NKAIN3: variants seen among roughly 807,000 people sequenced by gnomAD.
NKAIN3 encodes the protein sodium/potassium-transporting ATPase subunit beta-1-interacting protein 3.
NKAIN3 carries 25 observed loss-of-function variants against 30.2 expected under a neutral mutation model. That is an observed-to-expected ratio of 0.83 (90% CI 0.60 to 1.16). NKAIN3 has a LOEUF of 1.16. NKAIN3 is among the 50% of genes most tolerant of loss of function. The pLI is 0.00. For missense variants in NKAIN3, 225 were observed against 254.1 expected (o/e 0.89, Z 0.78); for synonymous variants, 91 against 89.6 (o/e 1.02, Z -0.09).
chr8:62,741,390 G>T (rs572253537), intron 3 of NKAIN3, among the ~76,000 whole-genome samples: 1 of 145,872 alleles, frequency 6.9e-6, no homozygotes, highest in South Asian at 2.1e-4. Flanking sequence ...AAGGAAGGAA[G>T]GAAGGAAGGA....
intron 1 of NKAIN3, among the ~76,000 whole-genome samples, chr8:62,542,984 A>G (rs752245211): frequency 6.6e-6 from 1 of 152,198 alleles, no homozygotes; most frequent in Non-Finnish European, 1.5e-5. Flanking sequence ...TGATCTCAGG[A>G]GCACATAATG....
At chr8:62,516,769 A>G (rs1808005276) in intron 1 of NKAIN3, among the ~76,000 whole-genome samples, 1 of 152,146 alleles carries the variant, frequency 6.6e-6, no homozygotes, top group South Asian at 2.1e-4. Flanking sequence ...GTAAATCTAC[A>G]TCAGTAGTCT....
At chr8:62,508,025 G>A (rs1482669881) in intron 1 of NKAIN3, among the ~76,000 whole-genome samples, 2 of 152,188 alleles carry the variant, frequency 1.3e-5, no homozygotes, top group Non-Finnish European at 2.9e-5. Context: ...ATCCGTCAAA[G>A]GTAGTGATTG....
At chr8:62,606,908 G>A (rs186663616) in intron 3 of NKAIN3, among the ~76,000 whole-genome samples, 2 of 152,132 alleles carry the variant, frequency 1.3e-5, no homozygotes, top group Non-Finnish European at 1.5e-5. Context: ...GAGACAGTGG[G>A]TGTAGTTATT....
chr8:62,374,890 A>G (rs1043964526), intron 1 of NKAIN3, among the ~76,000 whole-genome samples: 2 of 152,234 alleles, frequency 1.3e-5, no homozygotes, highest in Non-Finnish European at 2.9e-5. Flanking sequence ...GATAATCACA[A>G]CTAAATCCTG....
At chr8:62,689,744 A>G (rs1304128000) in intron 3 of NKAIN3, among the ~76,000 whole-genome samples, 2 of 152,072 alleles carry the variant, frequency 1.3e-5, no homozygotes, top group Non-Finnish European at 2.9e-5. Context: ...CCTCTTCTTT[A>G]TCTCTTTGAC....
intron 3 of NKAIN3, among the ~76,000 whole-genome samples, chr8:62,702,208 A>G (rs906015840): frequency 1.3e-5 from 2 of 152,180 alleles, no homozygotes; most frequent in Admixed American, 6.5e-5. Context: ...CTACAGTGGC[A>G]TATGCTCATT....
At chr8:62,629,764 T>A (rs1043034071) in intron 3 of NKAIN3, among the ~76,000 whole-genome samples, 1 of 152,114 alleles carries the variant, frequency 6.6e-6, no homozygotes, top group Non-Finnish European at 1.5e-5. Context: ...AACATATGCT[T>A]TTTTAGACTG....
intron 1 of NKAIN3, among the ~76,000 whole-genome samples, chr8:62,353,718 T>C (rs1450035967): frequency 6.6e-6 from 1 of 152,210 alleles, no homozygotes; most frequent in Non-Finnish European, 1.5e-5. Context: ...AATAAATAAA[T>C]TTCCTACCCT....
intron 3 of NKAIN3, among the ~76,000 whole-genome samples, chr8:62,679,378 T>C (rs1813581064): frequency 6.6e-6 from 1 of 152,070 alleles, no homozygotes; most frequent in African/African-American, 2.4e-5. Flanking sequence ...GACAGAAAAA[T>C]GGCCAACTCT....
At chr8:62,451,754 G>A (rs1464418345) in intron 1 of NKAIN3, among the ~76,000 whole-genome samples, 2 of 152,010 alleles carry the variant, frequency 1.3e-5, no homozygotes, top group Non-Finnish European at 2.9e-5. Context: ...AGATGTTGAT[G>A]GAAAACTACT....
At position 62,821,555 on chromosome 8, in the gene NKAIN3, A is replaced by G. The variant is rs77354967; in HGVS notation, c.471+74426A>G. Among the ~76,000 whole-genome samples the G allele has an allele frequency of 5.3e-4, 80 of 152,284 alleles. 1 individual carries two copies. In the East Asian group the frequency reaches 0.014, roughly 26 times the overall value. Reference sequence around the variant, plus strand: ...CTTTGGGCAAGAAACAGAATTTGGAAGACAATTCTGCTTCCCTTTTTGAAT... The same window carrying G: ...CTTTGGGCAAGAAACAGAATTTGGAGGACAATTCTGCTTCCCTTTTTGAAT... On this transcript the variant is annotated intron_variant, in intron 4 of 6. Transcript: ENST00000623646.
intron 1 of NKAIN3, among the ~76,000 whole-genome samples, chr8:62,496,947 A>G (rs2129652474): frequency 6.6e-6 from 1 of 152,204 alleles, no homozygotes; most frequent in African/African-American, 2.4e-5. Context: ...TACAGCGGCT[A>G]TGCTTTGCTT....
At position 62,248,865 on chromosome 8, in the gene NKAIN3, G is replaced by A. The variant is rs953874430; in HGVS notation, c.-209G>A. 1.9e-6 allele frequency: 1 copy of A among 522,200 alleles called. No homozygotes were observed. Among genetic ancestry groups the A allele is most frequent in the Non-Finnish European group, 3.3e-6 (1 of 300,938 alleles). 32.3% of individuals were successfully genotyped at this position (522,200 alleles called of 1,614,324 possible). A position where few individuals can be genotyped will look rare whatever the true frequency, so the allele number is the denominator to read the frequency against. On this transcript the variant is annotated 5_prime_UTR_variant, in exon 1 of 7. Coordinates refer to ENST00000623646, the MANE Select transcript of NKAIN3 (RefSeq NM_001304533.3). ...ACGCAGGGACCCCCGCCAGACGCTCGGGTCGTGCGCACCGCACTGACCTCG... is the reference window on the plus strand; with the variant it reads ...ACGCAGGGACCCCCGCCAGACGCTCAGGTCGTGCGCACCGCACTGACCTCG...
At chr8:62,820,391 G>A (rs1420843603) in intron 4 of NKAIN3, among the ~76,000 whole-genome samples, 3 of 152,248 alleles carry the variant, frequency 2.0e-5, no homozygotes, top group South Asian at 2.1e-4. Context: ...TTAAGACTTC[G>A]AGGCTCACTG....
chr8:62,642,383 T>C (rs575870095), intron 3 of NKAIN3, among the ~76,000 whole-genome samples: 1 of 152,276 alleles, frequency 6.6e-6, no homozygotes, highest in African/African-American at 2.4e-5. Context: ...ATATTTATTA[T>C]CATAACACAT....
At chr8:62,925,742 G>A (rs1413920063) in intron 5 of NKAIN3, among the ~76,000 whole-genome samples, 1 of 152,146 alleles carries the variant, frequency 6.6e-6, no homozygotes, top group Non-Finnish European at 1.5e-5. Context: ...TTGGGTGGGG[G>A]TGATTTCAAC....
At chr8:62,587,099 CTT>C (rs1345014164) in intron 2 of NKAIN3, among the ~76,000 whole-genome samples, 1 of 151,926 alleles carries the variant, frequency 6.6e-6, no homozygotes, top group Admixed American at 6.6e-5. Context: ...TAGGCAGTCT[CTT>C]TGGCCATTGG....
At chr8:62,729,506 A>G (rs1417752697) in intron 3 of NKAIN3, among the ~76,000 whole-genome samples, 3 of 152,170 alleles carry the variant, frequency 2.0e-5, no homozygotes. Flanking sequence ...TGATCTAGCA[A>G]TTGTGCTCCT....
Sources: gnomAD v4.1 joint callset for allele counts (sites outside exome capture counted in the v4.1 genomes callset) on GRCh38, gnomAD v4.1.1 for gene constraint, MANE v1.5 for transcripts, NCBI Gene and HGNC (gene_info 2026-07-23, HGNC 2026-07-21) for gene names.